The following ECPAS variants were observed in gnomAD, a reference collection of about 807,000 sequenced individuals.
ECPAS encodes the protein Ecm29 proteasome adaptor and scaffold, also known as proteasome adapter and scaffold protein ECM29.
A neutral mutation model predicts 255.1 loss-of-function variants in ECPAS; 70 were observed. The ratio of observed to expected loss-of-function variants is 0.27; its 90% CI spans 0.23 to 0.33. ECPAS has a LOEUF of 0.33. Among genes scored for constraint, ECPAS ranks in the 10% least tolerant of loss-of-function variants. The probability of loss-of-function intolerance (pLI) is 1.00; values close to 1 mark genes in which losing one functional copy is unlikely to be tolerated. For synonymous variants in ECPAS, 784 were observed against 775.0 expected (o/e 1.01, Z -0.19); for missense variants, 1,817 against 2,206.4 (o/e 0.82, Z 3.54).
intron 1 of ECPAS, among the ~76,000 whole-genome samples, chr9:111,480,040 A>G (rs981101750): frequency 6.6e-6 from 1 of 152,064 alleles, no homozygotes; most frequent in Non-Finnish European, 1.5e-5. Context: ...GACAAATGAC[A>G]AAGTTTGCTA....
At chr9:111,465,749 G>A (rs2098278745) in intron 2 of ECPAS, among the ~76,000 whole-genome samples, 1 of 151,588 alleles carries the variant, frequency 6.6e-6, no homozygotes, top group Non-Finnish European at 1.5e-5. Context: ...ACAGCATACA[G>A]GCCAGCATAT....
intron 32 of ECPAS, 121 bp downstream of exon 32, chr9:111,386,256 G>A (rs1002809565): frequency 3.8e-5 from 27 of 710,002 alleles, no homozygotes; most frequent in East Asian, 3.0e-4. Flanking sequence ...GAGCCACCAC[G>A]CCCGGCCAGC....
intron 25 of ECPAS, 107 bp downstream of exon 25, chr9:111,396,923 T>G: frequency 7.2e-7 from 1 of 1,381,256 alleles, no homozygotes. Flanking sequence ...ATATAAATAT[T>G]TGAAAACAGT....
chr9:111,476,868 G>C (rs2098296875), intron 1 of ECPAS, among the ~76,000 whole-genome samples: 1 of 151,948 alleles, frequency 6.6e-6, no homozygotes, highest in Admixed American at 6.6e-5. Context: ...TCACAATGTT[G>C]GCCAGGCTAG....
chr9:111,472,914 T>C lies in ECPAS; in HGVS notation c.5A>G (p.Tyr2Cys). Reference sequence around the variant, plus strand: ...CTACTAACCTCTACAATCAATGTGATACATGGTTTATCCAATCTTGACAAA... The same window carrying C: ...CTACTAACCTCTACAATCAATGTGACACATGGTTTATCCAATCTTGACAAA... M[Y>C]HIDCRDQLER... The change falls in exon 2 of 50, where the codon TAT becomes TGT. Residue 2 changes from tyrosine (Y) to cysteine (C), a missense_variant. By Grantham distance (194) the Tyr-to-Cys change is radical (BLOSUM62 -2). This residue lies in a region of ECPAS where 90 missense variants were observed against 158.5 expected (regional missense o/e 0.57). Coordinates refer to ENST00000684092, the MANE Select transcript of ECPAS (RefSeq NM_001364929.1). 1 of 1,242,686 alleles carries C rather than the reference T, an allele frequency of 8.0e-7. No individual in the cohort carries two copies. The highest frequency in any genetic ancestry group is 1.0e-6 in the Non-Finnish European group (1 of 960,582). The allele number at this position is 1,242,686 out of a possible 1,614,324, so 77.0% of individuals were successfully genotyped here. A position where few individuals can be genotyped will look rare whatever the true frequency, so the allele number is the denominator to read the frequency against.
chr9:111,445,661 C>T (rs1249309269), intron 3 of ECPAS, among the ~76,000 whole-genome samples: 1 of 152,032 alleles, frequency 6.6e-6, no homozygotes, highest in Non-Finnish European at 1.5e-5. Context: ...TTATTTTTGT[C>T]TGGGAGTTGT....
intron 15 of ECPAS, among the ~76,000 whole-genome samples, chr9:111,420,891 A>G (rs1249396016): frequency 6.6e-6 from 1 of 152,194 alleles, no homozygotes; most frequent in Admixed American, 6.5e-5. Context: ...TTACATAACT[A>G]ACCTAGAGTT....
At chr9:111,396,686 G>A (rs2098168133) in intron 25 of ECPAS, among the ~76,000 whole-genome samples, 1 of 152,100 alleles carries the variant, frequency 6.6e-6, no homozygotes, top group Admixed American at 6.5e-5. Context: ...CGAGTAGCTG[G>A]GATTACAGGC....
chr9:111,436,792 A>G (rs2098238818), intron 7 of ECPAS, 148 bp downstream of exon 7: 1 of 666,420 alleles, frequency 1.5e-6, no homozygotes. Context: ...AACTAGCATG[A>G]AAAGAACACA....
Position 111,412,158 on chromosome 9 carries a change from A to G in ECPAS, c.2080-10T>C, listed in dbSNP as rs2098195599. 1 of 1,553,376 alleles carries G rather than the reference A, an allele frequency of 6.4e-7. No individual in the cohort carries two copies. Among genetic ancestry groups the G allele is most frequent in the South Asian group, 1.2e-5 (1 of 80,494 alleles). On this transcript the variant is annotated splice_polypyrimidine_tract_variant and intron_variant, in intron 20 of 49. Coordinates refer to ENST00000684092, the MANE Select transcript of ECPAS (RefSeq NM_001364929.1). ...TGTTATTCATCAGACTCTGAGCAGT[A>G]TAAAAAAAAAACAAATATATACATG...
rs1309372797 is a variant in ECPAS at position 111,383,247 on chromosome 9, C to T, written c.3767G>A (p.Gly1256Glu). The T allele has an allele frequency of 7.4e-6, 12 of 1,613,796 alleles. No individual in the cohort carries two copies. Among genetic ancestry groups the T allele is most frequent in the Non-Finnish European group, 1.0e-5 (12 of 1,179,820 alleles). The part of the protein sequence containing the change: ...AALLPCLLDK[G>E]MMSTVTEVRA... ...AACTTCCGTCACGGTGCTCATCATT[C>T]CTTTGTCCAGAAGGCAAGGCAGAAG... Residue 1256 changes from glycine (G) to glutamate (E), a missense_variant, in exon 35 of 50, where the codon GGA (glycine) becomes GAA (glutamate). Gly to Glu is a moderately conservative substitution (Grantham distance 98, BLOSUM62 -2). Coordinates refer to ENST00000684092, the MANE Select transcript of ECPAS (RefSeq NM_001364929.1).
intron 45 of ECPAS, among the ~76,000 whole-genome samples, chr9:111,369,419 C>A (rs1211770006): frequency 1.3e-5 from 2 of 152,114 alleles, no homozygotes; most frequent in Non-Finnish European, 2.9e-5. Context: ...CATATGTAGT[C>A]TTTTGAGCAT....
chr9:111,425,714 C>A, intron 11 of ECPAS, 29 bp downstream of exon 11: 1 of 1,328,060 alleles, frequency 7.5e-7, no homozygotes, highest in Non-Finnish European at 1.1e-6. Context: ...AGCTTGAAAA[C>A]TTTATAGTTA....
In ECPAS at chr9:111,410,917, A is replaced by G. The variant is rs991907512; in HGVS notation, c.2377+63T>C. ...TGCCATAAAAAGAAACTGAAACGCC[A>G]TATTAAAATTTAACATAATTCAAAA... On this transcript the variant is annotated intron_variant, in intron 22 of 49. Transcript: ENST00000684092. 13 of 1,471,836 alleles carry G rather than the reference A, an allele frequency of 8.8e-6. No homozygotes were observed. The Admixed American group carries it at 1.6e-4, about 18-fold the overall frequency. 91.2% of individuals were successfully genotyped at this position (1,471,836 alleles called of 1,614,324 possible).
rs562675236 is a variant in ECPAS at position 111,381,311 on chromosome 9, T to C, written c.3803+1900A>G. Among the ~76,000 whole-genome samples the C allele has an allele frequency of 7.2e-5, 11 of 152,338 alleles. No homozygotes were observed. The East Asian group carries it at 1.9e-3, about 27-fold the overall frequency. ...AAGAGGGAGAGAGATGGGGAACAGCTGTTCAGTGGAGCAATCAGGACACAC... is the reference window on the plus strand; with the variant it reads ...AAGAGGGAGAGAGATGGGGAACAGCCGTTCAGTGGAGCAATCAGGACACAC... On this transcript the variant is annotated intron_variant, in intron 35 of 49. Coordinates refer to ENST00000684092, the MANE Select transcript of ECPAS (RefSeq NM_001364929.1).
chr9:111,390,598 A>C (rs971233544), intron 29 of ECPAS, among the ~76,000 whole-genome samples: 9 of 152,218 alleles, frequency 5.9e-5, no homozygotes, highest in African/African-American at 2.2e-4. Flanking sequence ...ACTTAGAAGG[A>C]GTCTACAAGG....
chr9:111,473,689 A>T (rs942295773), intron 1 of ECPAS, among the ~76,000 whole-genome samples: 3 of 152,214 alleles, frequency 2.0e-5, no homozygotes, highest in African/African-American at 7.2e-5. Context: ...AATCCTGGCC[A>T]GGCACGGTGG....
intron 3 of ECPAS, among the ~76,000 whole-genome samples, chr9:111,449,477 C>T (rs932362194): frequency 4.0e-5 from 6 of 151,458 alleles, no homozygotes; most frequent in East Asian, 1.9e-4. Context: ...ATGTTGTAAA[C>T]GTCAAATATA....
Position 111,481,760 on chromosome 9 carries a change from T to C in ECPAS, c.-83+2356A>G, listed in dbSNP as rs556409972. Among the ~76,000 whole-genome samples, 7 of 152,304 alleles carry C rather than the reference T, an allele frequency of 4.6e-5. No individual in the cohort carries two copies. The South Asian group carries it at 1.5e-3, about 32-fold the overall frequency. On this transcript the variant is annotated intron_variant, in intron 1 of 49. Transcript: ENST00000684092. ...ATATATACATACAAGGGAATATCATTCAACCTTTAAAAGGAAAAGAAATTC... is the reference window on the plus strand; with the variant it reads ...ATATATACATACAAGGGAATATCATCCAACCTTTAAAAGGAAAAGAAATTC...
Sources: gnomAD v4.1 joint callset for allele counts (sites outside exome capture counted in the v4.1 genomes callset) on GRCh38, gnomAD v4.1.1 for gene constraint, gnomAD v4.1.1 regional missense constraint, MANE v1.5 for transcripts, NCBI Gene and HGNC (gene_info 2026-07-23, HGNC 2026-07-21) for gene names.